Variants in SRGAP1 observed in about 807,000 individuals in gnomAD.
SRGAP1 encodes the protein SLIT-ROBO Rho GTPase-activating protein 1.
In SRGAP1, 43 loss-of-function variants were observed where a neutral mutation model predicts 121.9. The ratio of observed to expected loss-of-function variants is 0.35; its 90% CI spans 0.28 to 0.46. SRGAP1 has a LOEUF of 0.46. Among genes scored for constraint, SRGAP1 ranks in the 20% least tolerant of loss-of-function variants. The probability of loss-of-function intolerance (pLI) is 1.00; values close to 1 mark genes in which losing one functional copy is unlikely to be tolerated. For missense variants in SRGAP1, 1,102 were observed against 1,350.9 expected (o/e 0.82, Z 2.89); for synonymous variants, 447 against 485.4 (o/e 0.92, Z 1.04).
In SRGAP1 at chr12:64,158,065, T is replaced by G. The variant is rs920727323; in HGVS notation, c.*15393T>G. The G allele has an allele frequency of 6.6e-6, 1 of 152,336 alleles. No individual in the cohort carries two copies. Among genetic ancestry groups the G allele is most frequent in the Non-Finnish European group, 1.5e-5 (1 of 68,132 alleles). 9.4% of individuals were successfully genotyped at this position (152,336 alleles called of 1,614,324 possible). On this transcript the variant is annotated 3_prime_UTR_variant, in exon 22 of 22. Transcript: ENST00000355086. ...GCCAGGAAATGTCATCTTCCTATAA[T>G]GCAAGAAAAAGAACCCAGGGCCGGG...
chr12:63,849,001 G>C (rs1898992009), intron 1 of SRGAP1, among the ~76,000 whole-genome samples: 1 of 152,206 alleles, frequency 6.6e-6, no homozygotes. Flanking sequence ...AATGATACAA[G>C]TGGTTAAACA....
At chr12:64,091,972 C>G (rs1192262792) in intron 12 of SRGAP1, 29 of 1,475,106 alleles carry the variant, frequency 2.0e-5, no homozygotes, top group Non-Finnish European at 2.7e-5. Flanking sequence ...CTGTTGGTAT[C>G]ATTTTCAAGT....
intron 1 of SRGAP1, among the ~76,000 whole-genome samples, chr12:63,949,188 TTTTTTTCCATATATATATATA>T (rs1471813500): frequency 2.2e-5 from 3 of 136,592 alleles, no homozygotes; most frequent in South Asian, 4.6e-4. Flanking sequence ...CATATATATT[TTTTTTTCCATATATATATATA>T]TTTTTTCCAT....
intron 18 of SRGAP1, among the ~76,000 whole-genome samples, chr12:64,124,648 T>G (rs998758840): frequency 5.9e-5 from 9 of 152,190 alleles, no homozygotes; most frequent in African/African-American, 9.6e-5. Flanking sequence ...CTTCTTGCAG[T>G]AAGATAAATC....
chr12:63,911,377 GC>G (rs1254111096), intron 1 of SRGAP1, among the ~76,000 whole-genome samples: 1 of 150,968 alleles, frequency 6.6e-6, no homozygotes, highest in African/African-American at 2.4e-5. Flanking sequence ...TTAAACTCTT[GC>G]CTCTGGATTT....
At chr12:63,940,823 C>G (rs538176716) in intron 1 of SRGAP1, among the ~76,000 whole-genome samples, 51 of 152,318 alleles carry the variant, frequency 3.3e-4, no homozygotes, top group African/African-American at 1.2e-3. Context: ...AGGGCACCTG[C>G]CTCAGGCAGC....
At chr12:64,126,421 A>G (rs942397623) in intron 19 of SRGAP1, among the ~76,000 whole-genome samples, 3 of 152,226 alleles carry the variant, frequency 2.0e-5, no homozygotes, top group Non-Finnish European at 2.9e-5. Flanking sequence ...GAATGGTGTT[A>G]AGAGCTGAAG....
chr12:63,938,165 G>A (rs1592962263), intron 1 of SRGAP1, among the ~76,000 whole-genome samples: 1 of 152,226 alleles, frequency 6.6e-6, no homozygotes. Flanking sequence ...CAGGAGAGTA[G>A]AGATGGAAGC....
Position 63,862,349 on chromosome 12 carries a change from A to G in SRGAP1, c.67+17466A>G, listed in dbSNP as rs539781597. On this transcript the variant is annotated intron_variant, in intron 1 of 21. Coordinates refer to ENST00000355086, the MANE Select transcript of SRGAP1 (RefSeq NM_020762.4). Reference sequence around the variant, plus strand: ...GCCACCCTGCAGGCTTTTTGGTGTCACAGCCAACTTGGCACAAGACGAGCA... The same window carrying G: ...GCCACCCTGCAGGCTTTTTGGTGTCGCAGCCAACTTGGCACAAGACGAGCA... 8.5e-5 allele frequency among the ~76,000 whole-genome samples: 13 copies of G among 152,224 alleles called. No homozygotes were observed. In the South Asian group the frequency reaches 2.7e-3, roughly 32 times the overall value.
chr12:63,957,947 A>G (rs1242242858), intron 1 of SRGAP1, among the ~76,000 whole-genome samples: 1 of 152,170 alleles, frequency 6.6e-6, no homozygotes, highest in Non-Finnish European at 1.5e-5. Context: ...TGGGACCACG[A>G]GGACAAAGTG....
intron 1 of SRGAP1, among the ~76,000 whole-genome samples, chr12:63,911,144 A>C (rs951093131): frequency 1.3e-5 from 2 of 151,980 alleles, no homozygotes; most frequent in African/African-American, 4.8e-5. Flanking sequence ...CTAAAAACAC[A>C]AAAAATTAGC....
chr12:64,044,684 T>TTTTTTTTTTTTTTG lies in SRGAP1; in HGVS notation c.801+1122_801+1123insGTTTTTTTTTTTTT, dbSNP rs2035091055. Among the ~76,000 whole-genome samples the TTTTTTTTTTTTTTG allele has an allele frequency of 2.2e-5, 3 of 139,260 alleles. 1 individual carries two copies. Among genetic ancestry groups the TTTTTTTTTTTTTTG allele is most frequent in the Non-Finnish European group, 3.2e-5 (2 of 63,270 alleles). 91.4% of individuals were successfully genotyped at this position (139,260 alleles called of 152,430 possible). A position where few individuals can be genotyped will look rare whatever the true frequency, so the allele number is the denominator to read the frequency against. On this transcript the variant is annotated intron_variant, in intron 6 of 21. Coordinates refer to ENST00000355086, the MANE Select transcript of SRGAP1 (RefSeq NM_020762.4). ...CACTCTGATGTGCCTCTTTTTTTTTTTTTTTTTTTTTTTTTAAGACAGAGT... is the reference window on the plus strand; with the variant it reads ...CACTCTGATGTGCCTCTTTTTTTTTTTTTTTTTTTTTTTGTTTTTTTTTTTTTTTAAGACAGAGT...
At chr12:63,900,204 C>CTTTTTTTCTTTTTTTTTTTTTTTTTTTTT (rs1900894758) in intron 1 of SRGAP1, among the ~76,000 whole-genome samples, 1 of 87,524 alleles carries the variant, frequency 1.1e-5, no homozygotes, top group African/African-American at 4.0e-5. Context: ...TTTTCTTTTT[C>CTTTTTTTCTTTTTTTTTTTTTTTTTTTTT]TTTTTTTTTT....
intron 15 of SRGAP1, among the ~76,000 whole-genome samples, chr12:64,104,513 ACACAC>A: frequency 2.6e-5 from 4 of 152,216 alleles, no homozygotes; most frequent in African/African-American, 9.6e-5. Flanking sequence ...CCAGCTAGGA[ACACAC>A]ATTCATCAGG....
chr12:63,911,320 A>G (rs2030491351), intron 1 of SRGAP1, among the ~76,000 whole-genome samples: 1 of 151,752 alleles, frequency 6.6e-6, no homozygotes, highest in Admixed American at 6.6e-5. Flanking sequence ...AAAAAAAAGA[A>G]AAGAAAACAC....
chr12:64,109,598 C>T lies in SRGAP1; in HGVS notation c.1919+561C>T, dbSNP rs1361432040. 5.9e-5 allele frequency among the ~76,000 whole-genome samples: 9 copies of T among 152,120 alleles called. No individual in the cohort carries two copies. In the East Asian group the frequency reaches 1.5e-3, roughly 26 times the overall value. On this transcript the variant is annotated intron_variant, in intron 16 of 21. Coordinates refer to ENST00000355086, the MANE Select transcript of SRGAP1 (RefSeq NM_020762.4). ...TCAAAGAACTTTATTCTTTTAATTT[C>T]AGCAACTTGATTTTCAGCTATGCTA... is the stretch of plus-strand genomic sequence containing the variant.
chr12:63,980,911 T>C lies in SRGAP1; in HGVS notation c.68-3036T>C, dbSNP rs1209164525. On this transcript the variant is annotated intron_variant, in intron 1 of 21. Transcript: ENST00000355086. ...ACCTGGCCTCTAAGGAGATGTTTCT[T>C]ATGGTAGTAGTTTTCTGTTGATTTT... 3.9e-5 allele frequency among the ~76,000 whole-genome samples: 6 copies of C among 151,994 alleles called. No homozygotes were observed. In the East Asian group the frequency reaches 1.2e-3, roughly 29 times the overall value.
rs141739064 is a variant in SRGAP1, at chr12:64,129,650, G to C, written c.2880+1450G>C. ...ATAAAAACAATAATGTCATAATTACGCCTAACATGATACAACTGTCCTTTC... is the reference window on the plus strand; with the variant it reads ...ATAAAAACAATAATGTCATAATTACCCCTAACATGATACAACTGTCCTTTC... On this transcript the variant is annotated intron_variant, in intron 21 of 21. Coordinates refer to ENST00000355086, the MANE Select transcript of SRGAP1 (RefSeq NM_020762.4). Among the ~76,000 whole-genome samples, 8 of 152,166 alleles carry C rather than the reference G, an allele frequency of 5.3e-5. No homozygotes were observed. The East Asian group carries it at 1.5e-3, about 29-fold the overall frequency.
At chr12:63,883,099 T>G (rs1592912403) in intron 1 of SRGAP1, among the ~76,000 whole-genome samples, 1 of 152,244 alleles carries the variant, frequency 6.6e-6, no homozygotes, top group Non-Finnish European at 1.5e-5. Flanking sequence ...GCCAGCCCCA[T>G]TATTCCCATT....
Sources: allele counts gnomAD v4.1 joint callset (sites outside exome capture counted in the v4.1 genomes callset), GRCh38; gene constraint gnomAD v4.1.1; transcripts MANE v1.5; gene names NCBI Gene and HGNC (gene_info 2026-07-23, HGNC 2026-07-21).